Variants in ARFGEF2 observed in about 807,000 individuals in gnomAD.
ARFGEF2 encodes brefeldin A-inhibited guanine nucleotide-exchange protein 2.
A neutral mutation model predicts 219.9 loss-of-function variants in ARFGEF2; 74 were observed. The ratio of observed to expected loss-of-function variants is 0.34; its 90% CI spans 0.28 to 0.41. ARFGEF2 has a LOEUF of 0.41. Among genes scored for constraint, ARFGEF2 ranks in the 10% least tolerant of loss-of-function variants. The pLI is 1.00. For missense variants in ARFGEF2, 1,743 were observed against 2,218.3 expected, an observed-to-expected ratio of 0.79 and a Z score of 4.30; for synonymous variants, 733 against 799.2, an observed-to-expected ratio of 0.92 and a Z score of 1.40.
chr20:48,955,944 A>G (rs1330589952), intron 6 of ARFGEF2, among the ~76,000 whole-genome samples: 2 of 152,104 alleles, frequency 1.3e-5, no homozygotes, highest in African/African-American at 4.8e-5. Context: ...TCTCTAAATA[A>G]ATAAACACCC....
Position 48,984,816 on chromosome 20 carries a change from G to A in ARFGEF2, c.2046G>A (p.Leu682=). The A allele has an allele frequency of 6.2e-7, 1 of 1,612,926 alleles. No individual in the cohort carries two copies. ...GTSVEDIAQF[L]HQEERLDSTQ... The stretch of plus-strand genomic sequence containing the variant: ...CAGTTGAAGACATAGCCCAATTCCT[G>A]CACCAGGAGGAGCGCCTGGATTCCG... The change falls in exon 15 of 39, where the codon CTG becomes CTA. Residue 682 remains leucine, a synonymous_variant. Coordinates refer to ENST00000371917, the MANE Select transcript of ARFGEF2 (RefSeq NM_006420.3).
intron 7 of ARFGEF2, 23 bp downstream of exon 7, chr20:48,963,921 C>A (rs200020825): frequency 6.2e-7 from 1 of 1,610,838 alleles, no homozygotes; most frequent in Non-Finnish European, 8.5e-7. Context: ...GACAACCCAG[C>A]CTTTCCTCTT....
At chr20:48,924,681 C>A (rs2090865604) in intron 1 of ARFGEF2, among the ~76,000 whole-genome samples, 1 of 152,086 alleles carries the variant, frequency 6.6e-6, no homozygotes, top group Non-Finnish European at 1.5e-5. Flanking sequence ...CAGGAAACAG[C>A]TTCTGTGATA....
rs553385342 is a variant in ARFGEF2 at position 48,970,212 on chromosome 20, A to G, written c.1191-908A>G. Among the ~76,000 whole-genome samples the G allele has an allele frequency of 3.5e-3, 529 of 152,224 alleles. 3 individuals are homozygous for G. Among genetic ancestry groups the G allele is most frequent in the African/African-American group, 0.012 (510 of 41,542 alleles). On this transcript the variant is annotated intron_variant, in intron 9 of 38. Transcript: ENST00000371917. Reference sequence around the variant, plus strand: ...TGCCTGTAATCCCAGCCACTCGGGAAGCTGAGGCAAGAGAATCGCTTGAAC... The same window carrying G: ...TGCCTGTAATCCCAGCCACTCGGGAGGCTGAGGCAAGAGAATCGCTTGAAC...
intron 25 of ARFGEF2, among the ~76,000 whole-genome samples, chr20:49,000,222 G>A (rs1600645509): frequency 6.6e-6 from 1 of 152,352 alleles, no homozygotes; most frequent in Non-Finnish European, 1.5e-5. Flanking sequence ...GCTAATGAAA[G>A]TTCCTTGTTT....
chr20:49,028,778 A>G, intron 37 of ARFGEF2, 110 bp downstream of exon 37: 1 of 1,288,538 alleles, frequency 7.8e-7, no homozygotes, highest in Non-Finnish European at 1.1e-6. Flanking sequence ...ACACTCTGAC[A>G]AATTTTTTTT....
At chr20:48,990,119 C>T (rs113411521) in intron 20 of ARFGEF2, among the ~76,000 whole-genome samples, 6,774 of 152,054 alleles carry the variant, frequency 0.045, 465 homozygotes, top group African/African-American at 0.15. Context: ...GTGGAGGTTG[C>T]GGTGAGCCGA....
intron 11 of ARFGEF2, among the ~76,000 whole-genome samples, 159 bp downstream of exon 11, chr20:48,972,584 A>T (rs1294090206): frequency 6.6e-5 from 10 of 152,160 alleles, no homozygotes; most frequent in Non-Finnish European, 1.5e-4. Context: ...TTTTTAGAGG[A>T]TGACCAACTT....
In ARFGEF2 at chr20:48,988,643, A is replaced by C. The variant is rs754708557; in HGVS notation, c.2514A>C (p.Ala838=). The C allele has an allele frequency of 1.9e-6, 3 of 1,613,560 alleles. No homozygotes were observed. The highest frequency in any genetic ancestry group is 2.5e-6 in the Non-Finnish European group (3 of 1,179,814). The stretch of plus-strand genomic sequence containing the variant: ...AAGAAACAAAAGAGCTAACGATTGC[A>C]ACCAAATCTACTAAGCAGAGTAAGG... The part of the protein sequence containing the change: ...AMKETKELTI[A]TKSTKQNVAS... The change falls in exon 18 of 39, where the codon GCA becomes GCC. Residue 838 remains alanine (A), a synonymous_variant. Coordinates refer to ENST00000371917, the MANE Select transcript of ARFGEF2 (RefSeq NM_006420.3).
intron 3 of ARFGEF2, among the ~76,000 whole-genome samples, chr20:48,947,052 A>G (rs1356864812): frequency 6.6e-6 from 1 of 152,118 alleles, no homozygotes; most frequent in Non-Finnish European, 1.5e-5. Flanking sequence ...AGTGAATAAT[A>G]AAACCATTTT....
intron 8 of ARFGEF2, 24 bp from the exon 9 acceptor site, chr20:48,969,123 G>T (rs999972887): frequency 6.2e-7 from 1 of 1,612,750 alleles, no homozygotes; most frequent in South Asian, 1.1e-5. Flanking sequence ...ACCACACCCA[G>T]CTGATGTTTG....
intron 6 of ARFGEF2, among the ~76,000 whole-genome samples, chr20:48,961,085 T>TAATAATAATAATAATAATAAG (rs2091147281): frequency 6.8e-6 from 1 of 146,170 alleles, no homozygotes; most frequent in Non-Finnish European, 1.5e-5. Context: ...TCTCAAAATA[T>TAATAATAATAATAATAATAAG]AATAATAATA....
intron 14 of ARFGEF2, among the ~76,000 whole-genome samples, chr20:48,979,679 C>T (rs2091283542): frequency 1.3e-5 from 2 of 152,124 alleles, no homozygotes; most frequent in Admixed American, 6.5e-5. Context: ...TTCAGGGATT[C>T]AACTTCTTCC....
intron 26 of ARFGEF2, among the ~76,000 whole-genome samples, chr20:49,009,077 A>T (rs558411766): frequency 1.3e-5 from 2 of 152,280 alleles, no homozygotes; most frequent in African/African-American, 4.8e-5. Context: ...TTCTTTTAAC[A>T]ATCAGGCAAA....
At chr20:48,926,716 A>G (rs2090879098) in intron 1 of ARFGEF2, among the ~76,000 whole-genome samples, 1 of 152,124 alleles carries the variant, frequency 6.6e-6, no homozygotes, top group Admixed American at 6.5e-5. Context: ...CATCAGCAGT[A>G]AACTCCCTCT....
intron 27 of ARFGEF2, 91 bp from the exon 28 acceptor site, chr20:49,011,833 G>A: frequency 6.5e-6 from 3 of 463,902 alleles, no homozygotes; most frequent in Non-Finnish European, 9.7e-6. Flanking sequence ...TCTGATGTAT[G>A]TGTGTGTGTG....
At position 49,013,638 on chromosome 20, in the gene ARFGEF2, C is replaced by T. The variant is rs2091513810; in HGVS notation, c.3993C>T (p.Pro1331=). ...GAGTCTGGGTCCGAGGCTGGTTCCC[C>T]ATCTTATTCGAACTCTCCTGCATCA... The part of the protein sequence containing the change: ...GDRVWVRGWF[P]ILFELSCIIN... Residue 1331 remains proline (P), a synonymous_variant, in exon 29 of 39, where the codon CCC becomes CCT. Transcript: ENST00000371917. 2.5e-6 allele frequency: 4 copies of T among 1,614,130 alleles called. No homozygotes were observed. Among genetic ancestry groups the T allele is most frequent in the Non-Finnish European group, 3.4e-6 (4 of 1,180,008 alleles).
intron 8 of ARFGEF2, among the ~76,000 whole-genome samples, chr20:48,968,702 G>A (rs1336174140): frequency 6.6e-6 from 1 of 152,054 alleles, no homozygotes; most frequent in Non-Finnish European, 1.5e-5. Flanking sequence ...TCTTACCCAA[G>A]CTAGTATAAT....
chr20:49,005,543 C>T (rs2091452267), intron 26 of ARFGEF2, among the ~76,000 whole-genome samples: 2 of 151,740 alleles, frequency 1.3e-5, no homozygotes, highest in Admixed American at 1.3e-4. Flanking sequence ...TCGAGACCAT[C>T]CTGGCTAACA....
Sources: allele counts gnomAD v4.1 joint callset (sites outside exome capture counted in the v4.1 genomes callset), GRCh38; gene constraint gnomAD v4.1.1; transcripts MANE v1.5; gene names NCBI Gene and HGNC (gene_info 2026-07-23, HGNC 2026-07-21).